SLC35D4: variants seen among roughly 807,000 people sequenced by gnomAD.
The protein encoded by SLC35D4 is solute carrier family 35 member D4, also known as UDP-N-acetylglucosamine transporter SLC35D4.
the SLC35D4 span, among the ~76,000 whole-genome samples, chr18:23,245,119 A>G: frequency 6.6e-6 from 1 of 152,140 alleles, no homozygotes; most frequent in African/African-American, 2.4e-5. Context: ...TTCACTTCAC[A>G]GCATTGTTAC....
chr18:23,303,848 G>A, the SLC35D4 span, among the ~76,000 whole-genome samples: 1 of 151,804 alleles, frequency 6.6e-6, no homozygotes, highest in South Asian at 2.1e-4. Context: ...GTTCCAGTGA[G>A]CTGAGATCGC....
At chr18:23,373,703 T>C in the SLC35D4 span, 5 of 1,613,580 alleles carry the variant, frequency 3.1e-6, no homozygotes, top group Non-Finnish European at 3.4e-6. Flanking sequence ...TGAGTTCACT[T>C]GGACTTACCT....
chr18:23,300,974 G>A, the SLC35D4 span, among the ~76,000 whole-genome samples: 2 of 152,228 alleles, frequency 1.3e-5, no homozygotes, highest in Non-Finnish European at 2.9e-5. Flanking sequence ...AGAGGATGGA[G>A]GCTGCATCCT....
At chr18:23,332,210 T>C in the SLC35D4 span, among the ~76,000 whole-genome samples, 2 of 151,834 alleles carry the variant, frequency 1.3e-5, no homozygotes, top group Non-Finnish European at 2.9e-5. Flanking sequence ...CATGTATTTT[T>C]TTTAAAAAAA....
At chr18:23,346,379 G>A in the SLC35D4 span, among the ~76,000 whole-genome samples, 19 of 152,200 alleles carry the variant, frequency 1.2e-4, no homozygotes, top group East Asian at 1.7e-3. Context: ...TTCAGTCTCC[G>A]AAAGTGCGAG....
the SLC35D4 span, among the ~76,000 whole-genome samples, chr18:23,428,832 C>G: frequency 6.6e-6 from 1 of 152,140 alleles, no homozygotes; most frequent in African/African-American, 2.4e-5. Flanking sequence ...TCCTTACTTA[C>G]CTCTCTCCCT....
the SLC35D4 span, among the ~76,000 whole-genome samples, chr18:23,246,772 A>G: frequency 2.0e-5 from 3 of 151,648 alleles, no homozygotes; most frequent in African/African-American, 7.3e-5. Context: ...GCTCACTTCA[A>G]TCTTCATCTC....
chr18:23,437,673 C>A, the SLC35D4 span: 1 of 1,190,384 alleles, frequency 8.4e-7, no homozygotes, highest in Non-Finnish European at 1.2e-6. Flanking sequence ...TCCATCGCCA[C>A]CAGGAAGAAT....
At chr18:23,310,470 G>A in the SLC35D4 span, among the ~76,000 whole-genome samples, 1 of 152,084 alleles carries the variant, frequency 6.6e-6, no homozygotes, top group East Asian at 1.9e-4. Flanking sequence ...CAGTGGCCCC[G>A]CTCTGTCCAC....
At chr18:23,282,615 A>G in the SLC35D4 span, among the ~76,000 whole-genome samples, 3 of 152,178 alleles carry the variant, frequency 2.0e-5, no homozygotes, top group Non-Finnish European at 2.9e-5. Context: ...GGGGCCCCCA[A>G]GTGAGGGCTG....
the SLC35D4 span, chr18:23,259,668 G>A: frequency 0.48 from 73,558 of 152,090 alleles, 18,304 homozygotes; most frequent in South Asian, 0.55. Flanking sequence ...CAAAGGAAGT[G>A]GAGGAGGGTG....
the SLC35D4 span, among the ~76,000 whole-genome samples, chr18:23,429,523 G>A: frequency 1.3e-5 from 2 of 152,110 alleles, no homozygotes; most frequent in African/African-American, 4.8e-5. Context: ...ACAGGAATGT[G>A]CCATTATGCC....
chr18:23,376,745 C>T, the SLC35D4 span: 15 of 455,062 alleles, frequency 3.3e-5, no homozygotes, highest in African/African-American at 2.8e-4. Context: ...AACAGACAAC[C>T]TCTTGGAACT....
At chr18:23,334,986 CAG>C in the SLC35D4 span, among the ~76,000 whole-genome samples, 1 of 150,686 alleles carries the variant, frequency 6.6e-6, no homozygotes, top group Non-Finnish European at 1.5e-5. Context: ...GCCTGAGCGA[CAG>C]AGCGAGACTC....
At chr18:23,357,839 T>C in the SLC35D4 span, among the ~76,000 whole-genome samples, 1 of 152,206 alleles carries the variant, frequency 6.6e-6, no homozygotes, top group Non-Finnish European at 1.5e-5. Context: ...CGAGTGAGTG[T>C]GTGTTTAACT....
the SLC35D4 span, chr18:23,258,063 A>ATGAC: frequency 2.0e-5 from 3 of 152,208 alleles, no homozygotes; most frequent in South Asian, 2.1e-4. Flanking sequence ...CCCTTAGAAA[A>ATGAC]TGACTGACAT....
At chr18:23,307,597 G>A in the SLC35D4 span, among the ~76,000 whole-genome samples, 1 of 105,194 alleles carries the variant, frequency 9.5e-6, no homozygotes, top group Non-Finnish European at 1.8e-5. Context: ...CCTGTTTCCT[G>A]TCTCAGATGA....
the SLC35D4 span, among the ~76,000 whole-genome samples, chr18:23,384,355 GA>G: frequency 9.5e-5 from 14 of 147,198 alleles, no homozygotes; most frequent in South Asian, 8.6e-4. Context: ...AATGCCAGAA[GA>G]AAAAAAAAAC....
the SLC35D4 span, among the ~76,000 whole-genome samples, chr18:23,298,303 G>A: frequency 6.6e-6 from 1 of 152,196 alleles, no homozygotes; most frequent in Admixed American, 6.5e-5. Flanking sequence ...CTTCCCTTGG[G>A]GAAGAAGGTG....
Sources: allele counts gnomAD v4.1 joint callset (sites outside exome capture counted in the v4.1 genomes callset), GRCh38; gene constraint gnomAD v4.1.1; transcripts MANE v1.5; gene names NCBI Gene and HGNC (gene_info 2026-07-23, HGNC 2026-07-21).